VPS41: variants seen among roughly 807,000 people sequenced by gnomAD.
VPS41 encodes vacuolar protein sorting-associated protein 41 homolog.
In VPS41, 85 loss-of-function variants were observed where a neutral mutation model predicts 130.9. The observed-to-expected ratio is 0.65, with a 90% CI of 0.55 to 0.78. The LOEUF is 0.78. VPS41 is among the 30% of genes least tolerant of loss of function. The probability of loss-of-function intolerance (pLI) is 0.00; values close to 1 mark genes in which losing one functional copy is unlikely to be tolerated. For synonymous variants in VPS41, 335 were observed against 332.9 expected, an observed-to-expected ratio of 1.01 and a Z score of -0.07; for missense variants, 874 against 1,018.7, an observed-to-expected ratio of 0.86 and a Z score of 1.93.
At chr7:38,864,550 CA>C (rs1195701359) in intron 3 of VPS41, among the ~76,000 whole-genome samples, 20 of 151,924 alleles carry the variant, frequency 1.3e-4, no homozygotes, top group Non-Finnish European at 2.9e-5. Context: ...ATATACTCTT[CA>C]AAAAAAGTTT....
At chr7:38,817,435 T>C (rs1474073351) in intron 7 of VPS41, among the ~76,000 whole-genome samples, 1 of 152,170 alleles carries the variant, frequency 6.6e-6, no homozygotes, top group Non-Finnish European at 1.5e-5. Context: ...AGTAGAGACA[T>C]GGCAAAACCC....
intron 3 of VPS41, among the ~76,000 whole-genome samples, chr7:38,864,568 C>T (rs940883791): frequency 6.6e-6 from 1 of 152,068 alleles, no homozygotes; most frequent in Non-Finnish European, 1.5e-5. Context: ...GTTTACTAAG[C>T]CAATTATAGT....
At chr7:38,805,580 A>C (rs2116037960) in intron 7 of VPS41, among the ~76,000 whole-genome samples, 1 of 151,960 alleles carries the variant, frequency 6.6e-6, no homozygotes, top group Middle Eastern at 3.4e-3. Context: ...TGAAAAAAAA[A>C]AAAATCAGGA....
chr7:38,907,664 ATTC>A (rs997226045), intron 1 of VPS41, among the ~76,000 whole-genome samples: 1 of 152,190 alleles, frequency 6.6e-6, no homozygotes, highest in African/African-American at 2.4e-5. Context: ...ACTTTGTTAA[ATTC>A]TTCTTCTGCA....
At chr7:38,790,194 T>C (rs1427918625) in intron 9 of VPS41, among the ~76,000 whole-genome samples, 1 of 152,222 alleles carries the variant, frequency 6.6e-6, no homozygotes, top group Non-Finnish European at 1.5e-5. Flanking sequence ...TGTTCTTTTA[T>C]AGCTGCTACC....
Position 38,723,374 on chromosome 7 carries a change from A to T in VPS41, c.*2872T>A, listed in dbSNP as rs1795474800. 1 of 152,244 alleles carries T rather than the reference A, an allele frequency of 6.6e-6. No individual in the cohort carries two copies. Among genetic ancestry groups the T allele is most frequent in the South Asian group, 2.1e-4 (1 of 4,834 alleles). The allele number at this position is 152,244 out of a possible 1,614,324, so 9.4% of individuals were successfully genotyped here. On this transcript the variant is annotated 3_prime_UTR_variant, in exon 29 of 29. Coordinates refer to ENST00000310301, the MANE Select transcript of VPS41 (RefSeq NM_014396.4). ...GTATGAAATCCCTTTGGCTAAAAAC[A>T]AAAGCAAACTAAAGTACTCCAAAAT... is the stretch of plus-strand genomic sequence containing the variant.
chr7:38,805,101 A>G (rs931813250), intron 7 of VPS41, among the ~76,000 whole-genome samples: 1 of 152,220 alleles, frequency 6.6e-6, no homozygotes, highest in Admixed American at 6.5e-5. Context: ...ACTACATATA[A>G]TCTCAATCAC....
Position 38,758,406 on chromosome 7 carries a change from G to C in VPS41, c.1498C>G (p.His500Asp), listed in dbSNP as rs556655909. The C allele has an allele frequency of 1.2e-6, 2 of 1,613,380 alleles. No individual in the cohort carries two copies. The highest frequency in any genetic ancestry group is 4.5e-5 in the East Asian group (2 of 44,818). Residue 500 changes from histidine (H) to aspartate (D), a missense_variant, in exon 18 of 29, where the codon CAT (histidine) becomes GAT (aspartate). Transcript: ENST00000310301. ...TTGTTCTGACTATCTTTCTTCAAAT[G>C]ATCCCGAACTGCTTGAACTATGACT... ...NSVIVQAVRDHLKKDSQNKTL... is the reference protein window; with the variant it reads ...NSVIVQAVRDDLKKDSQNKTL...
intron 4 of VPS41, 34 bp downstream of exon 4, chr7:38,862,511 T>A: frequency 7.7e-7 from 1 of 1,304,722 alleles, no homozygotes; most frequent in Non-Finnish European, 1.1e-6. Context: ...AACATGAAGT[T>A]TAGCTCATAC....
intron 7 of VPS41, among the ~76,000 whole-genome samples, chr7:38,815,969 T>C (rs1267807160): frequency 6.6e-6 from 1 of 151,930 alleles, no homozygotes; most frequent in East Asian, 1.9e-4. Context: ...CACACATCTA[T>C]CCTATTAATT....
intron 2 of VPS41, among the ~76,000 whole-genome samples, chr7:38,895,350 A>C (rs1786960170): frequency 6.7e-6 from 1 of 150,330 alleles, no homozygotes; most frequent in Non-Finnish European, 1.5e-5. Context: ...AAAATAAAAA[A>C]AACAAACCAC....
intron 4 of VPS41, among the ~76,000 whole-genome samples, chr7:38,854,319 C>A (rs1379504669): frequency 6.6e-6 from 1 of 152,212 alleles, no homozygotes; most frequent in East Asian, 1.9e-4. Flanking sequence ...CAGCATACTA[C>A]AGATGGTATT....
Position 38,907,394 on chromosome 7 carries a change from G to A in VPS41, c.21+1760C>T, listed in dbSNP as rs532430402. Among the ~76,000 whole-genome samples, 749 of 152,314 alleles carry A rather than the reference G, an allele frequency of 4.9e-3. 5 individuals carry two copies. Among genetic ancestry groups the A allele is most frequent in the African/African-American group, 0.017 (723 of 41,564 alleles). Reference sequence around the variant, plus strand: ...ATGAGGTCAAGAAAAGGTGGCTAAGGGCAGCTGGGTCAAGGTCCTGTGGGA... The same window carrying A: ...ATGAGGTCAAGAAAAGGTGGCTAAGAGCAGCTGGGTCAAGGTCCTGTGGGA... On this transcript the variant is annotated intron_variant, in intron 1 of 28. Transcript: ENST00000310301.
intron 22 of VPS41, among the ~76,000 whole-genome samples, chr7:38,751,795 A>G: frequency 6.6e-6 from 1 of 152,198 alleles, no homozygotes; most frequent in Non-Finnish European, 1.5e-5. Context: ...GACTGGAGCA[A>G]CTGCTTCTGG....
At chr7:38,841,858 C>T (rs1364143342) in intron 4 of VPS41, among the ~76,000 whole-genome samples, 1 of 152,208 alleles carries the variant, frequency 6.6e-6, no homozygotes, top group African/African-American at 2.4e-5. Context: ...CCCACCTTGG[C>T]CTCCCAAAGT....
At chr7:38,886,030 C>T (rs1786723838) in intron 2 of VPS41, among the ~76,000 whole-genome samples, 1 of 151,962 alleles carries the variant, frequency 6.6e-6, no homozygotes, top group African/African-American at 2.4e-5. Flanking sequence ...GAAGAGTCGT[C>T]ACTTCCAAGA....
In VPS41 at chr7:38,822,566, T is replaced by C. The variant is rs546463072; in HGVS notation, c.322-1301A>G. ...GTATGAATATATCACAATTCACATATCCATCTTCCATTGATGACCACTTAG... is the reference window on the plus strand; with the variant it reads ...GTATGAATATATCACAATTCACATACCCATCTTCCATTGATGACCACTTAG... On this transcript the variant is annotated intron_variant, in intron 5 of 28. Coordinates refer to ENST00000310301, the MANE Select transcript of VPS41 (RefSeq NM_014396.4). Among the ~76,000 whole-genome samples the C allele has an allele frequency of 2.6e-5, 4 of 152,338 alleles. No individual in the cohort carries two copies. In the East Asian group the frequency reaches 7.7e-4, roughly 29 times the overall value.
chr7:38,781,721 T>C (rs1348261911), intron 10 of VPS41, among the ~76,000 whole-genome samples: 4 of 152,230 alleles, frequency 2.6e-5, no homozygotes, highest in Non-Finnish European at 4.4e-5. Flanking sequence ...TTTGCATCTA[T>C]TTGTTCTTGT....
Position 38,774,169 on chromosome 7 carries a change from C to G in VPS41, c.958G>C (p.Asp320His). The G allele has an allele frequency of 6.2e-7, 1 of 1,609,254 alleles. No homozygotes were observed. The highest frequency in any genetic ancestry group is 8.5e-7 in the Non-Finnish European group (1 of 1,176,548). Residue 320 changes from aspartate to histidine, a missense_variant, in exon 12 of 29, where the codon GAT (aspartate) becomes CAT (histidine). By Grantham distance (81) the Asp-to-His change is moderately conservative. Transcript: ENST00000310301. Reference protein sequence around the residue: ...LSETCEEISSDALTVRGFQEN... With the variant: ...LSETCEEISSHALTVRGFQEN... ...TGAAAGCCTCTGACTGTCAAAGCATCAGAAGAGATCTCTTCACAAGTCTCA... is the reference window on the plus strand; with the variant it reads ...TGAAAGCCTCTGACTGTCAAAGCATGAGAAGAGATCTCTTCACAAGTCTCA...
Sources: allele counts gnomAD v4.1 joint callset (sites outside exome capture counted in the v4.1 genomes callset), GRCh38; gene constraint gnomAD v4.1.1; transcripts MANE v1.5; gene names NCBI Gene and HGNC (gene_info 2026-07-23, HGNC 2026-07-21).